TEC: variants seen among roughly 807,000 people sequenced by gnomAD.
TEC encodes the protein tec protein tyrosine kinase, also known as tyrosine-protein kinase Tec.
Under a neutral mutation model 93.0 loss-of-function variants are expected in TEC, and 72 were observed. The ratio of observed to expected loss-of-function variants is 0.77; its 90% CI spans 0.64 to 0.94. The LOEUF (loss-of-function observed/expected upper bound fraction) is 0.94, where lower values mean the gene tolerates loss of function less well. TEC is among the 40% of genes least tolerant of loss of function. The pLI is 0.00. For synonymous variants in TEC, 249 were observed against 247.7 expected, an observed-to-expected ratio of 1.01 and a Z score of -0.05; for missense variants, 630 against 757.9, an observed-to-expected ratio of 0.83 and a Z score of 1.98.
intron 2 of TEC, among the ~76,000 whole-genome samples, chr4:48,184,504 T>A (rs550386381): frequency 6.6e-6 from 1 of 152,236 alleles, no homozygotes; most frequent in Non-Finnish European, 1.5e-5. Context: ...GTAGTTCTCT[T>A]GCCATCCACA....
chr4:48,182,436 C>T (rs1354914061), intron 2 of TEC, among the ~76,000 whole-genome samples: 1 of 151,992 alleles, frequency 6.6e-6, no homozygotes, highest in Non-Finnish European at 1.5e-5. Flanking sequence ...ACCTTTGAAT[C>T]CTCTATGAAT....
At chr4:48,155,407 G>A (rs1720357682) in intron 9 of TEC, among the ~76,000 whole-genome samples, 1 of 152,176 alleles carries the variant, frequency 6.6e-6, no homozygotes, top group Non-Finnish European at 1.5e-5. Context: ...TGTTTAGTAG[G>A]TCTTATGGCA....
At chr4:48,222,155 T>G (rs967009236) in intron 2 of TEC, among the ~76,000 whole-genome samples, 31 of 152,032 alleles carry the variant, frequency 2.0e-4, no homozygotes, top group Non-Finnish European at 4.3e-4. Flanking sequence ...GGTGGCTGGA[T>G]AGATGGATCC....
chr4:48,223,211 A>G (rs1723323537), intron 2 of TEC, among the ~76,000 whole-genome samples: 1 of 152,238 alleles, frequency 6.6e-6, no homozygotes, highest in South Asian at 2.1e-4. Context: ...AGAGTGGTAG[A>G]TCCAGGACAA....
At chr4:48,265,720 C>T (rs1348840727) in intron 1 of TEC, among the ~76,000 whole-genome samples, 3 of 151,978 alleles carry the variant, frequency 2.0e-5, no homozygotes, top group African/African-American at 7.3e-5. Context: ...ACCATGTTGT[C>T]CAGACTGGTC....
At chr4:48,140,418 G>A (rs1239435484) in intron 15 of TEC, among the ~76,000 whole-genome samples, 1 of 152,154 alleles carries the variant, frequency 6.6e-6, no homozygotes, top group African/African-American at 2.4e-5. Flanking sequence ...CTATCACAAA[G>A]AGGTCATCCT....
intron 2 of TEC, among the ~76,000 whole-genome samples, chr4:48,213,226 T>C (rs1406145436): frequency 4.6e-5 from 7 of 152,212 alleles, no homozygotes; most frequent in Admixed American, 3.3e-4. Context: ...TAAAAATCAT[T>C]TTGCAATTTC....
chr4:48,212,297 T>C (rs1722937963), intron 2 of TEC, among the ~76,000 whole-genome samples: 1 of 151,962 alleles, frequency 6.6e-6, no homozygotes, highest in Admixed American at 6.6e-5. Flanking sequence ...GTTGCAAGGT[T>C]TGTTATCTAT....
At chr4:48,169,971 A>C (rs1353118002) in intron 5 of TEC, among the ~76,000 whole-genome samples, 1 of 152,214 alleles carries the variant, frequency 6.6e-6, no homozygotes, top group Admixed American at 6.5e-5. Flanking sequence ...TGCTTTTCAA[A>C]GCTGCTGACA....
chr4:48,190,971 A>G (rs566452830), intron 2 of TEC, among the ~76,000 whole-genome samples: 2 of 152,324 alleles, frequency 1.3e-5, no homozygotes, highest in East Asian at 1.9e-4. Flanking sequence ...ACATGCCACA[A>G]TATTTTCAGT....
In TEC at chr4:48,156,880, C is replaced by T. The variant is rs560816461; in HGVS notation, c.738-146G>A. On this transcript the variant is annotated intron_variant, in intron 8 of 17. Coordinates refer to ENST00000381501, the MANE Select transcript of TEC (RefSeq NM_003215.3). ...CACTCATAATTTCAATAATAGACAA[C>T]TAATAATTTTGATGTATATACTTCC... The T allele has an allele frequency of 6.5e-5, 41 of 633,608 alleles. No homozygotes were observed. In the South Asian group the frequency reaches 1.1e-3, roughly 17 times the overall value. The allele number at this position is 633,608 out of a possible 1,614,324, so 39.2% of individuals were successfully genotyped here. A position where few individuals can be genotyped will look rare whatever the true frequency, so the allele number is the denominator to read the frequency against.
chr4:48,230,584 T>G (rs553887026), intron 1 of TEC, among the ~76,000 whole-genome samples: 7 of 152,252 alleles, frequency 4.6e-5, no homozygotes, highest in African/African-American at 1.4e-4. Flanking sequence ...TATCCATCAC[T>G]CCCATTGGAT....
intron 12 of TEC, 114 bp from the exon 13 acceptor site, chr4:48,145,693 T>C: frequency 8.8e-7 from 1 of 1,139,946 alleles, no homozygotes; most frequent in Non-Finnish European, 1.3e-6. Flanking sequence ...AGGATAACAC[T>C]GTAATAATTC....
At chr4:48,143,256 G>T (rs532886100) in intron 14 of TEC, among the ~76,000 whole-genome samples, 1 of 152,324 alleles carries the variant, frequency 6.6e-6, no homozygotes, top group African/African-American at 2.4e-5. Flanking sequence ...CCCATAAGGG[G>T]TGACACAAAC....
At chr4:48,255,549 A>G (rs573893873) in intron 1 of TEC, among the ~76,000 whole-genome samples, 3 of 152,304 alleles carry the variant, frequency 2.0e-5, no homozygotes, top group East Asian at 3.9e-4. Flanking sequence ...CAGCACAGTC[A>G]CTTGTCAGGA....
rs916259818 is a variant in TEC, at chr4:48,269,784, G to A, written c.-78C>T. 4 of 152,258 alleles carry A rather than the reference G, an allele frequency of 2.6e-5. No individual in the cohort carries two copies. The highest frequency in any genetic ancestry group is 2.0e-4 in the Admixed American group (3 of 15,284). The allele number at this position is 152,258 out of a possible 1,614,324, so 9.4% of individuals were successfully genotyped here. ...AAGCGCGGCTGCTGGGCGGACCTGG[G>A]GAGACTGCGAGGTGCAGTCTGCGCC... is the stretch of plus-strand genomic sequence containing the variant. On this transcript the variant is annotated 5_prime_UTR_variant, in exon 1 of 18. Transcript: ENST00000381501.
At chr4:48,162,976 G>T (rs77383531) in intron 8 of TEC, among the ~76,000 whole-genome samples, 3,011 of 152,264 alleles carry the variant, frequency 0.02, 58 homozygotes, top group Non-Finnish European at 0.03. Context: ...CCAGCACATA[G>T]ATTTTAGAGA....
rs560662241 is a variant in TEC at position 48,266,380 on chromosome 4, G to GTGC, written c.-46+3371_-46+3372insGCA. 3.4e-4 allele frequency among the ~76,000 whole-genome samples: 52 copies of GTGC among 152,310 alleles called. 1 individual carries two copies. In the South Asian group the frequency reaches 1.0e-2, roughly 29 times the overall value. On this transcript the variant is annotated intron_variant, in intron 1 of 17. Coordinates refer to ENST00000381501, the MANE Select transcript of TEC (RefSeq NM_003215.3). ...CAATGTACCAAAGGCACCCAGTCTGGATTATAGCAAGCCAGTAGGCTCAGG... is the reference window on the plus strand; with the variant it reads ...CAATGTACCAAAGGCACCCAGTCTGGTGCATTATAGCAAGCCAGTAGGCTCAGG...
intron 1 of TEC, among the ~76,000 whole-genome samples, chr4:48,263,714 A>T (rs1724558522): frequency 6.6e-6 from 1 of 152,146 alleles, no homozygotes; most frequent in Admixed American, 6.5e-5. Flanking sequence ...CAAAAAAAAG[A>T]AAAGAAAGAA....
Sources: gnomAD v4.1 joint callset for allele counts (sites outside exome capture counted in the v4.1 genomes callset) on GRCh38, gnomAD v4.1.1 for gene constraint, MANE v1.5 for transcripts, NCBI Gene and HGNC (gene_info 2026-07-23, HGNC 2026-07-21) for gene names.